The following BMP1 variants were observed in gnomAD, a reference collection of about 807,000 sequenced individuals.
BMP1 encodes the protein mammalian tolloid protein.
Under a neutral mutation model 116.8 loss-of-function variants are expected in BMP1, and 63 were observed. The observed-to-expected ratio is 0.54, with a 90% CI of 0.44 to 0.67. The LOEUF is 0.67. Among genes scored for constraint, BMP1 ranks in the 30% least tolerant of loss-of-function variants. The pLI, the probability that BMP1 is intolerant of heterozygous loss-of-function variation, is 0.00. For missense variants in BMP1, 1,183 were observed against 1,358.9 expected, an observed-to-expected ratio of 0.87 and a Z score of 2.04; for synonymous variants, 536 against 533.4, an observed-to-expected ratio of 1.00 and a Z score of -0.07.
chr8:22,179,656 GC>G lies in BMP1; in HGVS notation c.837-46del. The G allele has an allele frequency of 6.2e-7, 1 of 1,610,208 alleles. No homozygotes were observed. ...CAGATGGGCATGCCACCCACTCCCT[GC>G]CCACTGTCCATGAGACGCTCACCCT... On this transcript the variant is annotated intron_variant, in intron 6 of 19. Transcript: ENST00000306385. This position sits in a 1 kb window ranked among gnomAD's most constrained non-coding sequence, Gnocchi z 4.6.
intron 15 of BMP1, chr8:22,200,983 C>A (rs557849211): frequency 6.6e-5 from 24 of 365,116 alleles, no homozygotes; most frequent in South Asian, 4.8e-4. Context: ...GTGTGTCCGC[C>A]TGCCCTCCCG....
chr8:22,165,882 CGTGTGTGTGTGTGTGTGTGTGTGT>C (rs149003237), intron 1 of BMP1, among the ~76,000 whole-genome samples: 9,317 of 131,404 alleles, frequency 0.071, 425 homozygotes, highest in South Asian at 0.16. Context: ...CCTGTGCGTG[CGTGTGTGTGTGTGTGTGTGTGTGT>C]GTGTGTGTGT....
intron 1 of BMP1, among the ~76,000 whole-genome samples, chr8:22,168,329 G>A (rs1454802698): frequency 1.3e-5 from 2 of 152,140 alleles, no homozygotes; most frequent in Non-Finnish European, 2.9e-5. Context: ...AAACCATGAA[G>A]GGGGTCCTTC....
In BMP1 at chr8:22,194,768, C is replaced by T. The variant is rs1333340704; in HGVS notation, c.1488C>T (p.Arg496=). ...GTGCCTACGACTATCTGGAGGTGCGCGACGGGCACAGTGAGAGCAGCACCC... is the reference window on the plus strand; with the variant it reads ...GTGCCTACGACTATCTGGAGGTGCGTGACGGGCACAGTGAGAGCAGCACCC... The part of the protein sequence containing the change: ...DSCAYDYLEV[R]DGHSESSTLI... Residue 496 remains arginine, a synonymous_variant, in exon 12 of 20, where the codon CGC becomes CGT. Transcript: ENST00000306385. The surrounding 1 kb of genome is among the most constrained non-coding windows in gnomAD (Gnocchi z 4.5). The T allele has an allele frequency of 5.0e-6, 8 of 1,613,076 alleles. No homozygotes were observed. The highest frequency in any genetic ancestry group is 2.2e-5 in the East Asian group (1 of 44,884).
chr8:22,185,828 CTTTT>C (rs71204540), intron 8 of BMP1, among the ~76,000 whole-genome samples: 1 of 80,958 alleles, frequency 1.2e-5, no homozygotes, highest in Non-Finnish European at 2.4e-5. Flanking sequence ...CACTGTCTTT[CTTTT>C]TTTTTTTTTT....
Position 22,194,490 on chromosome 8 carries a change from C to T in BMP1, c.1343C>T (p.Ser448Leu), listed in dbSNP as rs1299770323. 1 of 1,614,178 alleles carries T rather than the reference C, an allele frequency of 6.2e-7. No homozygotes were observed. The highest frequency in any genetic ancestry group is 8.5e-7 in the Non-Finnish European group (1 of 1,180,038). ...AAAAAGGACTATGGCCACATTCAAT[C>T]GCCCAACTACCCAGACGATTACCGG... ...DVKKDYGHIQ[S>L]PNYPDDYRPS... The change falls in exon 11 of 20, where the codon TCG becomes TTG. Residue 448 changes from serine to leucine, a missense_variant. By Grantham distance (145) the Ser-to-Leu change is moderately radical. Around this residue, in one of 4 missense-constraint regions of BMP1, gnomAD observed 956 missense variants for 1,135.2 expected, o/e 0.84. Coordinates refer to ENST00000306385, the MANE Select transcript of BMP1 (RefSeq NM_006129.5). The surrounding 1 kb of genome is among the most constrained non-coding windows in gnomAD (Gnocchi z 4.5).
At chr8:22,206,501 CAA>C (rs759348690) in intron 16 of BMP1, among the ~76,000 whole-genome samples, 21 of 106,960 alleles carry the variant, frequency 2.0e-4, no homozygotes, top group Non-Finnish European at 2.4e-4. Flanking sequence ...GACTCCATCT[CAA>C]AAAAAAAAAA....
At chr8:22,203,272 T>C (rs1186702115) in intron 16 of BMP1, among the ~76,000 whole-genome samples, 6 of 152,086 alleles carry the variant, frequency 3.9e-5, no homozygotes, top group African/African-American at 1.2e-4. Flanking sequence ...TAAAAAATGA[T>C]AGGCCAGGTG....
At chr8:22,209,237 G>C (rs1281365581) in intron 18 of BMP1, among the ~76,000 whole-genome samples, 1 of 152,102 alleles carries the variant, frequency 6.6e-6, no homozygotes, top group Non-Finnish European at 1.5e-5. Context: ...CTCACTGCCT[G>C]TTCCCCTCAG....
chr8:22,206,331 G>A (rs1365451437), intron 16 of BMP1, among the ~76,000 whole-genome samples: 10 of 152,012 alleles, frequency 6.6e-5, no homozygotes, highest in African/African-American at 1.5e-4. Context: ...GCGAAACCCC[G>A]TCTCTACTAA....
At chr8:22,188,247 C>T (rs1828834537) in intron 8 of BMP1, among the ~76,000 whole-genome samples, 1 of 149,930 alleles carries the variant, frequency 6.7e-6, no homozygotes, top group African/African-American at 2.5e-5. Context: ...TGGCTTATTC[C>T]AGCCTGGACC....
chr8:22,171,945 C>T (rs769896644), intron 1 of BMP1, among the ~76,000 whole-genome samples: 6 of 152,170 alleles, frequency 3.9e-5, no homozygotes, highest in South Asian at 4.1e-4. Context: ...TGCTTTCATG[C>T]GCAAGGATGT....
intron 16 of BMP1, among the ~76,000 whole-genome samples, chr8:22,203,744 G>A (rs1829303409): frequency 6.6e-6 from 1 of 152,162 alleles, no homozygotes; most frequent in Non-Finnish European, 1.5e-5. Context: ...CAGTGAACCA[G>A]TGGACAGTCG....
chr8:22,167,251 G>A (rs756599706), intron 1 of BMP1, among the ~76,000 whole-genome samples: 1 of 152,090 alleles, frequency 6.6e-6, no homozygotes, highest in African/African-American at 2.4e-5. Context: ...TGTTGTGGGA[G>A]GTACTGAGAC....
chr8:22,196,834 C>T lies in BMP1; in HGVS notation c.1920C>T (p.Gly640=), dbSNP rs769034214. The change falls in exon 14 of 20, where the codon GGC becomes GGT. Residue 640 remains glycine, a synonymous_variant. Transcript: ENST00000306385. ...AGTTTGACTTCTTTGAGACAGAGGG[C>T]AATGATGTAAGTGCCCACCAGGGGC... ...SLQFDFFETE[G]NDVCKYDFVE... The T allele has an allele frequency of 1.2e-6, 2 of 1,612,710 alleles. No individual in the cohort carries two copies. Among genetic ancestry groups the T allele is most frequent in the South Asian group, 1.1e-5 (1 of 90,852 alleles).
chr8:22,179,278 C>T lies in BMP1; in HGVS notation c.837-427C>T, dbSNP rs1260197952. 6.6e-6 allele frequency among the ~76,000 whole-genome samples: 1 copy of T among 152,216 alleles called. No individual in the cohort carries two copies. The highest frequency in any genetic ancestry group is 1.5e-5 in the Non-Finnish European group (1 of 68,046). On this transcript the variant is annotated intron_variant, in intron 6 of 19. Coordinates refer to ENST00000306385, the MANE Select transcript of BMP1 (RefSeq NM_006129.5). This position sits in a 1 kb window ranked among gnomAD's most constrained non-coding sequence, Gnocchi z 4.6. ...TGTGCCAGCAGGGTGAGGAGCTGGCCTGGGGAGTCCTGGGAGAAGTTTAGT... is the reference window on the plus strand; with the variant it reads ...TGTGCCAGCAGGGTGAGGAGCTGGCTTGGGGAGTCCTGGGAGAAGTTTAGT...
chr8:22,197,386 G>A lies in BMP1; in HGVS notation c.2073G>A (p.Val691=), dbSNP rs1246426723. 6.2e-7 allele frequency: 1 copy of A among 1,612,112 alleles called. No homozygotes were observed. Among genetic ancestry groups the A allele is most frequent in the Non-Finnish European group, 8.5e-7 (1 of 1,178,368 alleles). ...MRVEFKSDNT[V]SKKGFKAHFF... is the part of the protein sequence containing the mutation. ...TGGAGTTCAAGTCCGACAACACCGT[G>A]TCCAAAAAGGGCTTCAAGGCCCACT... Residue 691 remains valine, a synonymous_variant, in exon 15 of 20, where the codon GTG becomes GTA. Transcript: ENST00000306385.
chr8:22,200,275 C>T (rs926448712), intron 15 of BMP1, among the ~76,000 whole-genome samples: 4 of 152,162 alleles, frequency 2.6e-5, no homozygotes, highest in East Asian at 1.9e-4. Flanking sequence ...GACACGTGGC[C>T]GTTGCTCCTC....
intron 19 of BMP1, among the ~76,000 whole-genome samples, chr8:22,210,253 G>A (rs1343419196): frequency 3.3e-5 from 5 of 152,268 alleles, no homozygotes; most frequent in East Asian, 1.9e-4. Context: ...AAAATGGCAC[G>A]TTAAGAGTCA....
Sources: gnomAD v4.1 joint callset for allele counts (sites outside exome capture counted in the v4.1 genomes callset) on GRCh38, gnomAD v4.1.1 for gene constraint, gnomAD v4.1.1 regional missense constraint, Gnocchi (gnomAD v3.1) non-coding constraint, MANE v1.5 for transcripts, NCBI Gene and HGNC (gene_info 2026-07-23, HGNC 2026-07-21) for gene names.